The following VAV3 variants were observed in gnomAD, a reference collection of about 807,000 sequenced individuals.
VAV3 encodes guanine nucleotide exchange factor VAV3.
VAV3 carries 94 observed loss-of-function variants against 131.2 expected under a neutral mutation model. The observed-to-expected ratio is 0.72, with a 90% CI of 0.61 to 0.85. The LOEUF is 0.85. VAV3 is among the 40% of genes least tolerant of loss of function. VAV3 has a pLI of 0.00. For synonymous variants in VAV3, 349 were observed against 342.0 expected, an observed-to-expected ratio of 1.02 and a Z score of -0.22; for missense variants, 939 against 1,002.7, an observed-to-expected ratio of 0.94 and a Z score of 0.86.
chr1:107,942,384 C>A (rs1008122071), intron 1 of VAV3, among the ~76,000 whole-genome samples: 10 of 152,144 alleles, frequency 6.6e-5, no homozygotes, highest in African/African-American at 2.4e-4. Context: ...CCATATCCAG[C>A]CCTTGGCCTT....
At chr1:107,677,760 C>T (rs1036460288) in intron 19 of VAV3, 4 of 152,118 alleles carry the variant, frequency 2.6e-5, no homozygotes, top group African/African-American at 9.7e-5. Flanking sequence ...AGTCATATTA[C>T]TGATGTATAT....
intron 15 of VAV3, among the ~76,000 whole-genome samples, chr1:107,730,118 T>G (rs1662129885): frequency 6.6e-6 from 1 of 152,204 alleles, no homozygotes; most frequent in South Asian, 2.1e-4. Context: ...TTTTAATAAG[T>G]GACGGGTCAA....
chr1:107,801,315 A>C (rs1311807078), intron 2 of VAV3, among the ~76,000 whole-genome samples: 1 of 152,156 alleles, frequency 6.6e-6, no homozygotes, highest in African/African-American at 2.4e-5. Flanking sequence ...GTTCCAGATA[A>C]AATTTAGAAC....
At chr1:107,899,819 C>A (rs1490874706) in intron 1 of VAV3, among the ~76,000 whole-genome samples, 1 of 152,108 alleles carries the variant, frequency 6.6e-6, no homozygotes, top group Non-Finnish European at 1.5e-5. Flanking sequence ...GAAAGCAGAT[C>A]AGAAGTCTTA....
At chr1:107,849,678 A>C (rs913331618) in intron 2 of VAV3, among the ~76,000 whole-genome samples, 1 of 152,190 alleles carries the variant, frequency 6.6e-6, no homozygotes, top group Non-Finnish European at 1.5e-5. Context: ...AGACTTCATG[A>C]CTATAACACC....
At chr1:107,920,859 T>C (rs1192280858) in intron 1 of VAV3, among the ~76,000 whole-genome samples, 7 of 152,246 alleles carry the variant, frequency 4.6e-5, no homozygotes, top group Admixed American at 2.6e-4. Flanking sequence ...CCTTTGTAGC[T>C]TTTAAGCTAG....
intron 20 of VAV3, among the ~76,000 whole-genome samples, chr1:107,620,969 C>T (rs960230390): frequency 6.6e-6 from 1 of 152,018 alleles, no homozygotes; most frequent in African/African-American, 2.4e-5. Context: ...ATATAATTTT[C>T]CATTCAAATC....
At chr1:107,809,934 T>C (rs756081383) in intron 2 of VAV3, among the ~76,000 whole-genome samples, 1 of 152,196 alleles carries the variant, frequency 6.6e-6, no homozygotes, top group African/African-American at 2.4e-5. Flanking sequence ...TTAAGAATAG[T>C]TGAGCTACAG....
intron 2 of VAV3, among the ~76,000 whole-genome samples, chr1:107,853,513 G>T (rs371121641): frequency 2.1e-4 from 32 of 151,510 alleles, no homozygotes; most frequent in African/African-American, 7.7e-4. Context: ...AAATGAAAAT[G>T]TATCACCTTC....
At chr1:107,718,502 G>A (rs1291843526) in intron 15 of VAV3, among the ~76,000 whole-genome samples, 1 of 152,138 alleles carries the variant, frequency 6.6e-6, no homozygotes, top group Non-Finnish European at 1.5e-5. Context: ...ACTTACAAGG[G>A]ATGTGAAGGA....
intron 2 of VAV3, among the ~76,000 whole-genome samples, chr1:107,799,567 A>T (rs1390487243): frequency 1.3e-5 from 2 of 152,250 alleles, no homozygotes; most frequent in Non-Finnish European, 2.9e-5. Flanking sequence ...ATTTTTATTG[A>T]TGTATACTAG....
intron 2 of VAV3, among the ~76,000 whole-genome samples, chr1:107,854,579 C>A (rs1160461043): frequency 6.6e-6 from 1 of 152,188 alleles, no homozygotes; most frequent in African/African-American, 2.4e-5. Context: ...CTTCTGCAAT[C>A]TCATCTCCTG....
intron 19 of VAV3, among the ~76,000 whole-genome samples, chr1:107,664,789 T>C (rs940274183): frequency 2.0e-5 from 3 of 152,088 alleles, no homozygotes; most frequent in African/African-American, 7.2e-5. Flanking sequence ...GTAGGATTCT[T>C]GGAAGAGGGA....
At chr1:107,855,016 G>A (rs1413594672) in intron 2 of VAV3, among the ~76,000 whole-genome samples, 1 of 152,126 alleles carries the variant, frequency 6.6e-6, no homozygotes, top group Admixed American at 6.6e-5. Flanking sequence ...TTGGTGTTTA[G>A]AGAAAACACA....
intron 2 of VAV3, among the ~76,000 whole-genome samples, chr1:107,804,311 G>A (rs966942158): frequency 9.2e-5 from 14 of 151,978 alleles, no homozygotes; most frequent in Admixed American, 5.2e-4. Flanking sequence ...TTGTAACTCC[G>A]TTCTTCCTTT....
At chr1:107,858,038 C>T (rs916028276) in intron 2 of VAV3, among the ~76,000 whole-genome samples, 1 of 152,190 alleles carries the variant, frequency 6.6e-6, no homozygotes, top group Non-Finnish European at 1.5e-5. Context: ...ACTACAACCA[C>T]TCTGGCAATA....
At chr1:107,683,585 A>G in intron 18 of VAV3, 52 bp from the exon 19 acceptor site, 1 of 1,591,526 alleles carries the variant, frequency 6.3e-7, no homozygotes, top group Non-Finnish European at 8.6e-7. Flanking sequence ...GTAATTTTGC[A>G]CTATTAAATT....
intron 1 of VAV3, among the ~76,000 whole-genome samples, chr1:107,924,374 C>A (rs1479840751): frequency 1.3e-5 from 2 of 150,944 alleles, no homozygotes; most frequent in Non-Finnish European, 2.9e-5. Flanking sequence ...AAATTTTACC[C>A]TCCAGTCGAT....
intron 25 of VAV3, among the ~76,000 whole-genome samples, chr1:107,584,712 C>A (rs1650351707): frequency 6.6e-6 from 1 of 152,102 alleles, no homozygotes; most frequent in East Asian, 1.9e-4. Flanking sequence ...AAACTTATGT[C>A]TAGGATTATT....
Sources: allele counts gnomAD v4.1 joint callset (sites outside exome capture counted in the v4.1 genomes callset), GRCh38; gene constraint gnomAD v4.1.1; transcripts MANE v1.5; gene names NCBI Gene and HGNC (gene_info 2026-07-23, HGNC 2026-07-21).